The following CATSPERE variants were observed in gnomAD, a reference collection of about 807,000 sequenced individuals.
CATSPERE encodes the protein catsper channel auxiliary subunit epsilon.
Under a neutral mutation model 114.1 loss-of-function variants are expected in CATSPERE, and 93 were observed. The ratio of observed to expected loss-of-function variants is 0.81; its 90% CI spans 0.69 to 0.97. The LOEUF is 0.97. CATSPERE is among the 50% of genes least tolerant of loss of function. The pLI is 0.00. For missense variants in CATSPERE, 1,058 were observed against 1,131.6 expected, an observed-to-expected ratio of 0.93 and a Z score of 0.93; for synonymous variants, 341 against 384.1, an observed-to-expected ratio of 0.89 and a Z score of 1.31.
intron 18 of CATSPERE, among the ~76,000 whole-genome samples, chr1:244,608,912 A>G (rs922005410): frequency 6.6e-6 from 1 of 151,930 alleles, no homozygotes; most frequent in African/African-American, 2.4e-5. Context: ...CCTATCTTGG[A>G]GCTGATCACT....
At chr1:244,510,412 G>C (rs1390566470) in intron 7 of CATSPERE, among the ~76,000 whole-genome samples, 1 of 151,992 alleles carries the variant, frequency 6.6e-6, no homozygotes, top group Non-Finnish European at 1.5e-5. Flanking sequence ...TATTTTTATA[G>C]TTTCAAATAT....
At chr1:244,566,871 A>G (rs1482443440) in intron 10 of CATSPERE, among the ~76,000 whole-genome samples, 2 of 151,324 alleles carry the variant, frequency 1.3e-5, no homozygotes, top group Non-Finnish European at 2.9e-5. Context: ...GTTTTGTGTG[A>G]ATTTGATCTT....
intron 20 of CATSPERE, among the ~76,000 whole-genome samples, chr1:244,622,163 C>A (rs985958742): frequency 6.6e-6 from 1 of 152,050 alleles, no homozygotes; most frequent in Non-Finnish European, 1.5e-5. Flanking sequence ...TACCAACACA[C>A]CGTAAGGTTT....
chr1:244,455,161 G>T (rs141655083), intron 1 of CATSPERE, among the ~76,000 whole-genome samples: 1 of 152,146 alleles, frequency 6.6e-6, no homozygotes, highest in Non-Finnish European at 1.5e-5. Flanking sequence ...TTTGCCTCTT[G>T]ACAGTGGGGG....
In CATSPERE at chr1:244,539,533, G is replaced by C. The variant is rs537199004; in HGVS notation, c.537-12789G>C. Among the ~76,000 whole-genome samples the C allele has an allele frequency of 4.5e-4, 60 of 134,816 alleles. 2 individuals are homozygous for C. In the East Asian group the frequency reaches 0.011, roughly 25 times the overall value. The allele number at this position is 134,816 out of a possible 152,430, so 88.4% of individuals were successfully genotyped here. A position where few individuals can be genotyped will look rare whatever the true frequency, so the allele number is the denominator to read the frequency against. On this transcript the variant is annotated intron_variant, in intron 8 of 21. Coordinates refer to ENST00000366534, the MANE Select transcript of CATSPERE (RefSeq NM_001130957.2). ...CTCTCTTTTTCTATTGATTGGAATA[G>C]TTTCAGAAGGAATGGTACCAGTTCC...
At chr1:244,489,975 T>A (rs532371710) in intron 5 of CATSPERE, among the ~76,000 whole-genome samples, 4 of 152,188 alleles carry the variant, frequency 2.6e-5, no homozygotes, top group African/African-American at 9.7e-5. Context: ...CCTCAACATT[T>A]AACAGGTTAT....
At chr1:244,556,279 T>TA (rs1558489446) in intron 9 of CATSPERE, among the ~76,000 whole-genome samples, 1 of 150,308 alleles carries the variant, frequency 6.7e-6, no homozygotes, top group Non-Finnish European at 1.5e-5. Flanking sequence ...CAAGATAGAG[T>TA]AAAAAATTCA....
chr1:244,625,430 A>ATTTTTTTTTTTTT (rs1476267922), intron 20 of CATSPERE, among the ~76,000 whole-genome samples: 55 of 4,336 alleles, frequency 0.013, 2 homozygotes, highest in South Asian at 0.059. Flanking sequence ...ATATATATAT[A>ATTTTTTTTTTTTT]TATTTTTTTT....
intron 17 of CATSPERE, among the ~76,000 whole-genome samples, chr1:244,594,611 T>C (rs1487714523): frequency 6.6e-6 from 1 of 152,238 alleles, no homozygotes; most frequent in Non-Finnish European, 1.5e-5. Flanking sequence ...GGTAGACTGC[T>C]GGAAGTAAAA....
chr1:244,463,969 T>C lies in CATSPERE; in HGVS notation c.114+13T>C, dbSNP rs767241414. ...TACCAGAAGTACTGTAAGTGTTGAA[T>C]TTTTAATAAACTATAGTTAAATATT... On this transcript the variant is annotated intron_variant, in intron 2 of 21. Transcript: ENST00000366534. 1.5e-5 allele frequency: 24 copies of C among 1,567,522 alleles called. No homozygotes were observed. The highest frequency in any genetic ancestry group is 5.4e-5 in the African/African-American group (4 of 73,866).
intron 2 of CATSPERE, among the ~76,000 whole-genome samples, chr1:244,470,237 T>A (rs1464999899): frequency 2.6e-5 from 4 of 152,180 alleles, no homozygotes; most frequent in Non-Finnish European, 4.4e-5. Flanking sequence ...ATCAAGAAAG[T>A]GAAGACAATT....
chr1:244,606,266 A>C (rs1165010050), intron 18 of CATSPERE, among the ~76,000 whole-genome samples: 1 of 152,004 alleles, frequency 6.6e-6, no homozygotes, highest in East Asian at 1.9e-4. Flanking sequence ...CTCCTTGGTG[A>C]ATCTCCCTTA....
At chr1:244,632,783 C>CT (rs1674135430) in intron 20 of CATSPERE, among the ~76,000 whole-genome samples, 1 of 152,042 alleles carries the variant, frequency 6.6e-6, no homozygotes, top group South Asian at 2.1e-4. Flanking sequence ...AGATTTAACT[C>CT]TAACGATATC....
At chr1:244,544,762 C>A (rs1342812683) in intron 8 of CATSPERE, among the ~76,000 whole-genome samples, 1 of 152,224 alleles carries the variant, frequency 6.6e-6, no homozygotes, top group Non-Finnish European at 1.5e-5. Flanking sequence ...AGTGGGTTGT[C>A]ATATGCTTAA....
chr1:244,477,822 T>A, intron 3 of CATSPERE, 84 bp from the exon 4 acceptor site: 1 of 1,193,960 alleles, frequency 8.4e-7, no homozygotes, highest in Non-Finnish European at 1.2e-6. Context: ...ACAATTGAAA[T>A]TTTTAGGCTT....
chr1:244,597,333 C>A (rs1050925992), intron 17 of CATSPERE, among the ~76,000 whole-genome samples: 1 of 152,188 alleles, frequency 6.6e-6, no homozygotes, highest in African/African-American at 2.4e-5. Context: ...CCAACATGAT[C>A]AGTGACCTCC....
At chr1:244,451,986 C>A, upstream of CATSPERE, 1 of 631,696 alleles carries the variant, frequency 1.6e-6, no homozygotes, top group South Asian at 2.4e-5. This position sits in a 1 kb window ranked among gnomAD's most constrained non-coding sequence, Gnocchi z 6.6. Context: ...CCCCGCTCTC[C>A]GCCACAGCCC....
At chr1:244,545,059 A>G (rs1433924015) in intron 8 of CATSPERE, among the ~76,000 whole-genome samples, 4 of 152,172 alleles carry the variant, frequency 2.6e-5, no homozygotes, top group African/African-American at 9.7e-5. Flanking sequence ...ACACTGGTCC[A>G]TTATATTGAT....
intron 6 of CATSPERE, among the ~76,000 whole-genome samples, chr1:244,491,191 G>C (rs1467754887): frequency 6.6e-6 from 1 of 151,846 alleles, no homozygotes; most frequent in Non-Finnish European, 1.5e-5. Context: ...CCACATACTT[G>C]GAAGTAAAGC....
Sources: gnomAD v4.1 joint callset for allele counts (sites outside exome capture counted in the v4.1 genomes callset) on GRCh38, gnomAD v4.1.1 for gene constraint, Gnocchi (gnomAD v3.1) non-coding constraint, MANE v1.5 for transcripts, NCBI Gene and HGNC (gene_info 2026-07-23, HGNC 2026-07-21) for gene names.